PARD3B: variants seen among roughly 807,000 people sequenced by gnomAD.
PARD3B encodes partitioning defective 3 homolog B.
A neutral mutation model predicts 130.2 loss-of-function variants in PARD3B; 103 were observed. That is an observed-to-expected ratio of 0.79 (90% CI 0.67 to 0.93). PARD3B has a LOEUF of 0.93. Ranked by LOEUF, PARD3B falls within the 40% of genes least tolerant of loss-of-function variation. PARD3B has a pLI of 0.00. For synonymous variants in PARD3B, 583 were observed against 553.2 expected (o/e 1.05, Z -0.76); for missense variants, 1,609 against 1,499.2 (o/e 1.07, Z -1.21).
At chr2:204,714,009 A>G (rs1226475922) in intron 2 of PARD3B, among the ~76,000 whole-genome samples, 3 of 152,148 alleles carry the variant, frequency 2.0e-5, no homozygotes, top group African/African-American at 4.8e-5. Context: ...ATGTTTATTA[A>G]CACATATATG....
At chr2:205,430,820 G>A (rs976787201) in intron 19 of PARD3B, among the ~76,000 whole-genome samples, 8 of 152,196 alleles carry the variant, frequency 5.3e-5, no homozygotes, top group African/African-American at 1.7e-4. Context: ...CAAATGTAAC[G>A]TACAAGCATT....
chr2:204,954,651 T>C (rs1287259400), intron 2 of PARD3B, among the ~76,000 whole-genome samples: 1 of 152,148 alleles, frequency 6.6e-6, no homozygotes, highest in Middle Eastern at 3.2e-3. Flanking sequence ...CCAGGACATA[T>C]GAAGCTGTCA....
chr2:205,505,346 A>T (rs1031715219), intron 21 of PARD3B, among the ~76,000 whole-genome samples: 3 of 152,118 alleles, frequency 2.0e-5, no homozygotes, highest in Non-Finnish European at 4.4e-5. Context: ...CATATGTAAC[A>T]AACCTGCACG....
At chr2:205,245,047 C>T (rs1267262812) in intron 15 of PARD3B, among the ~76,000 whole-genome samples, 1 of 152,180 alleles carries the variant, frequency 6.6e-6, no homozygotes, top group Non-Finnish European at 1.5e-5. Flanking sequence ...ATTGCTCTTT[C>T]CTCTCTGGTT....
intron 1 of PARD3B, among the ~76,000 whole-genome samples, chr2:204,550,420 G>GTGTGTC (rs1293876312): frequency 6.7e-6 from 1 of 148,796 alleles, no homozygotes; most frequent in East Asian, 1.9e-4. Flanking sequence ...GACTGTGTGT[G>GTGTGTC]TGTGTGTGTG....
chr2:204,632,166 T>G (rs1043397452), intron 1 of PARD3B, among the ~76,000 whole-genome samples: 3 of 152,106 alleles, frequency 2.0e-5, no homozygotes, highest in African/African-American at 7.2e-5. Flanking sequence ...TTTTAAAGTG[T>G]GTGGCACCTC....
At chr2:205,106,481 ATGTGTGTGTGTG>A (rs202186761) in intron 5 of PARD3B, among the ~76,000 whole-genome samples, 50,865 of 146,840 alleles carry the variant, frequency 0.35, 9,209 homozygotes, top group Non-Finnish European at 0.41. Context: ...TAAGAAATGT[ATGTGTGTGTGTG>A]TGTGTGTGTG....
intron 21 of PARD3B, among the ~76,000 whole-genome samples, chr2:205,545,725 A>G (rs1438259119): frequency 6.6e-6 from 1 of 152,214 alleles, no homozygotes; most frequent in Non-Finnish European, 1.5e-5. Context: ...TAGAAACTGG[A>G]AAACATGTTA....
intron 15 of PARD3B, among the ~76,000 whole-genome samples, chr2:205,212,478 G>C (rs531601365): frequency 5.3e-5 from 8 of 152,110 alleles, no homozygotes; most frequent in African/African-American, 1.9e-4. Context: ...GAGATTTAAA[G>C]GTGATGTGCA....
At position 205,550,966 on chromosome 2, in the gene PARD3B, TATATATATATAC is replaced by T. The variant is rs2052612094; in HGVS notation, c.3181-2356_3181-2345del. On this transcript the variant is annotated intron_variant, in intron 21 of 22. Coordinates refer to ENST00000406610, the MANE Select transcript of PARD3B (RefSeq NM_001302769.2). The surrounding 1 kb of genome is among the most constrained non-coding windows in gnomAD (Gnocchi z 4.5). ...GTATATATATATGTGTATATATATA[TATATATATATAC>T]ACACACACACACACACACACACACA... is the stretch of plus-strand genomic sequence containing the variant. Among the ~76,000 whole-genome samples the T allele has an allele frequency of 2.8e-5, 3 of 105,926 alleles. No homozygotes were observed. Among genetic ancestry groups the T allele is most frequent in the East Asian group, 2.8e-4 (1 of 3,588 alleles). 69.5% of individuals were successfully genotyped at this position (105,926 alleles called of 152,430 possible).
chr2:205,360,573 C>G (rs2044352887), intron 18 of PARD3B, among the ~76,000 whole-genome samples: 1 of 152,186 alleles, frequency 6.6e-6, no homozygotes, highest in South Asian at 2.1e-4. Context: ...TTTATTTTTT[C>G]TTAATACAGT....
At chr2:205,094,702 C>T (rs773780070) in intron 4 of PARD3B, among the ~76,000 whole-genome samples, 8 of 152,064 alleles carry the variant, frequency 5.3e-5, no homozygotes, top group East Asian at 1.9e-4. Context: ...TGTTGGCATG[C>T]GTGAAATGCC....
Position 205,296,506 on chromosome 2 carries a change from G to A in PARD3B, c.2186-4024G>A, listed in dbSNP as rs371196495. On this transcript the variant is annotated intron_variant, in intron 16 of 22. Transcript: ENST00000406610. ...ATAATACCTGGAAGGCTGGGGCAGCGGTTTCTCAGCATCTTAAGAATCAGT... is the reference window on the plus strand; with the variant it reads ...ATAATACCTGGAAGGCTGGGGCAGCAGTTTCTCAGCATCTTAAGAATCAGT... Among the ~76,000 whole-genome samples the A allele has an allele frequency of 2.4e-4, 37 of 152,188 alleles. No homozygotes were observed. The East Asian group carries it at 2.5e-3, about 10-fold the overall frequency.
chr2:205,614,496 G>C (rs1156545975), intron 22 of PARD3B, among the ~76,000 whole-genome samples: 1 of 152,016 alleles, frequency 6.6e-6, no homozygotes, highest in Admixed American at 6.5e-5. Flanking sequence ...CTAAGGTCAG[G>C]AGATTGAGAC....
chr2:205,047,500 T>C, intron 3 of PARD3B, 81 bp from the exon 4 acceptor site: 1 of 779,910 alleles, frequency 1.3e-6, no homozygotes, highest in East Asian at 2.8e-5. Context: ...TTGTAAACCT[T>C]TTAAATTAAA....
At chr2:204,947,511 T>A (rs1267267930) in intron 2 of PARD3B, among the ~76,000 whole-genome samples, 2 of 151,910 alleles carry the variant, frequency 1.3e-5, no homozygotes, top group African/African-American at 4.8e-5. Context: ...AGGACAACTC[T>A]AGAACTATTT....
chr2:205,144,817 A>G (rs2033231189), intron 10 of PARD3B, among the ~76,000 whole-genome samples: 1 of 152,208 alleles, frequency 6.6e-6, no homozygotes. Context: ...TCCAGCAGGA[A>G]TCACATTAGA....
intron 21 of PARD3B, among the ~76,000 whole-genome samples, chr2:205,545,751 C>T (rs1051780974): frequency 5.3e-5 from 8 of 152,034 alleles, no homozygotes; most frequent in South Asian, 2.1e-4. Flanking sequence ...GAATTGTTTC[C>T]GCTTTTCATC....
chr2:204,939,502 C>T (rs1688733563), intron 2 of PARD3B, among the ~76,000 whole-genome samples: 1 of 152,158 alleles, frequency 6.6e-6, no homozygotes, highest in Non-Finnish European at 1.5e-5. Context: ...TTCAATAAAT[C>T]AAGGAATAAC....
Sources: gnomAD v4.1 joint callset for allele counts (sites outside exome capture counted in the v4.1 genomes callset) on GRCh38, gnomAD v4.1.1 for gene constraint, Gnocchi (gnomAD v3.1) non-coding constraint, MANE v1.5 for transcripts, NCBI Gene and HGNC (gene_info 2026-07-23, HGNC 2026-07-21) for gene names.